KIF19: variants seen among roughly 807,000 people sequenced by gnomAD.
KIF19 encodes kinesin family member 19, also known as kinesin-like protein KIF19.
KIF19 carries 98 observed loss-of-function variants against 106.6 expected under a neutral mutation model. That is an observed-to-expected ratio of 0.92 (90% CI 0.78 to 1.09). The LOEUF is 1.09. Ranked by LOEUF, KIF19 falls within the 50% of genes least tolerant of loss-of-function variation. The pLI, the probability that KIF19 is intolerant of heterozygous loss-of-function variation, is 0.00. For missense variants in KIF19, 1,373 were observed against 1,414.3 expected (o/e 0.97, Z 0.47); for synonymous variants, 516 against 584.2 (o/e 0.88, Z 1.68).
In KIF19 at chr17:74,352,309, T is replaced by TC; in HGVS notation, c.1950dup (p.Met651HisfsTer29). ...GAGGGCAGCCTGGAGCAGGCCACCA[T>TC]CATGGACCAAGTGGCCTCCAGGGCC... On this transcript the variant is annotated frameshift_variant, in exon 14 of 20. Coordinates refer to ENST00000389916, the MANE Select transcript of KIF19 (RefSeq NM_153209.4). LOFTEE classifies it high-confidence loss of function. The TC allele has an allele frequency of 1.9e-6, 3 of 1,611,514 alleles. No homozygotes were observed. Among genetic ancestry groups the TC allele is most frequent in the Non-Finnish European group, 2.5e-6 (3 of 1,179,286 alleles).
chr17:74,348,649 G>T (rs925468996), intron 9 of KIF19: 8 of 165,090 alleles, frequency 4.8e-5, no homozygotes, highest in Non-Finnish European at 9.4e-5. Flanking sequence ...CTCATTGATG[G>T]TTCAGAATAT....
intron 1 of KIF19, 88 bp from the exon 2 acceptor site, chr17:74,328,337 T>C: frequency 8.0e-7 from 1 of 1,246,800 alleles, no homozygotes; most frequent in Non-Finnish European, 1.1e-6. Flanking sequence ...GGCTGAATGC[T>C]AGAGAAGCCA....
Position 74,352,835 on chromosome 17 carries a change from C to T in KIF19, c.1995C>T (p.Pro665=), listed in dbSNP as rs1016773272. The stretch of plus-strand genomic sequence containing the variant: ...CTCCTCCCCAGGACAGCTCCTTGCC[C>T]AAAATTACCCCAGCAGGAACCTCAC... The part of the protein sequence containing the change: ...ASRALQDSSL[P]KITPAGTSLT... The change falls in exon 15 of 20, where the codon CCC becomes CCT. Residue 665 remains proline (P), a synonymous_variant. Transcript: ENST00000389916. The T allele has an allele frequency of 5.0e-6, 8 of 1,613,848 alleles. No individual in the cohort carries two copies. Among genetic ancestry groups the T allele is most frequent in the Admixed American group, 1.7e-5 (1 of 60,008 alleles).
chr17:74,349,370 G>A, intron 10 of KIF19, 21 bp downstream of exon 10: 2 of 1,572,666 alleles, frequency 1.3e-6, no homozygotes, highest in Non-Finnish European at 1.7e-6. Context: ...GGGTCTGTGT[G>A]AGTGGCAGCC....
At chr17:74,353,641 A>G in intron 17 of KIF19, 60 bp downstream of exon 17, 1 of 1,385,764 alleles carries the variant, frequency 7.2e-7, no homozygotes, top group Non-Finnish European at 1.0e-6. Context: ...TGTTCAGATC[A>G]CCCAGCTCAA....
rs769760478 is a variant in KIF19 at position 74,354,988 on chromosome 17, C to T, written c.2866+47C>T. 2.8e-5 allele frequency: 44 copies of T among 1,564,212 alleles called. 1 individual carries two copies. The South Asian group carries it at 5.0e-4, about 18-fold the overall frequency. On this transcript the variant is annotated intron_variant, in intron 19 of 19. Coordinates refer to ENST00000389916, the MANE Select transcript of KIF19 (RefSeq NM_153209.4). The stretch of plus-strand genomic sequence containing the variant: ...ATGGGGAGGGGAGGCCTCCACCAGG[C>T]AGGGGAGCAGAGAAGACACATTGCA...
intron 9 of KIF19, 48 bp from the exon 10 acceptor site, chr17:74,349,136 G>A (rs755244980): frequency 6.2e-7 from 1 of 1,607,176 alleles, no homozygotes; most frequent in Admixed American, 1.7e-5. Flanking sequence ...CTCGGTGAGT[G>A]CACCTGGGGT....
At chr17:74,347,325 T>C (rs1249638756) in intron 8 of KIF19, among the ~76,000 whole-genome samples, 1 of 151,962 alleles carries the variant, frequency 6.6e-6, no homozygotes, top group East Asian at 1.9e-4. Context: ...TCACTTAAGG[T>C]CAGGAGTTCA....
rs1358590295 is a variant in KIF19 at position 74,346,577 on chromosome 17, A to G, written c.924+53A>G. The stretch of plus-strand genomic sequence containing the variant: ...TGGGCACCAAGGGTGAGGCTGCCAG[A>G]TTAAACAAATGAAAATACAGGGCAC... On this transcript the variant is annotated intron_variant, in intron 8 of 19. Coordinates refer to ENST00000389916, the MANE Select transcript of KIF19 (RefSeq NM_153209.4). The surrounding 1 kb of genome is among the most constrained non-coding windows in gnomAD (Gnocchi z 4.6). 6.6e-7 allele frequency: 1 copy of G among 1,509,818 alleles called. No homozygotes were observed. The highest frequency in any genetic ancestry group is 9.0e-7 in the Non-Finnish European group (1 of 1,116,382). 93.5% of individuals were successfully genotyped at this position (1,509,818 alleles called of 1,614,324 possible).
Position 74,353,264 on chromosome 17 carries a change from C to A in KIF19, c.2183C>A (p.Pro728Gln). 1 of 1,580,782 alleles carries A rather than the reference C, an allele frequency of 6.3e-7. No individual in the cohort carries two copies. The highest frequency in any genetic ancestry group is 2.3e-5 in the East Asian group (1 of 42,906). Residue 728 changes from proline (P) to glutamine (Q), a missense_variant, in exon 16 of 20, where the codon CCA (proline) becomes CAA (glutamine). By Grantham distance (76) the Pro-to-Gln change is moderately conservative. Around this residue, in one of 3 missense-constraint regions of KIF19, gnomAD observed 1,020 missense variants for 1,008.2 expected, o/e 1.01. Coordinates refer to ENST00000389916, the MANE Select transcript of KIF19 (RefSeq NM_153209.4). ...GCAAAAAGCTCCTCTGTGCCCACCC[C>A]ACCTCCCATCCAGCTCGGCAGCCTG... Reference protein sequence around the residue: ...WQAKSSSVPTPPPIQLGSLVT... With the variant: ...WQAKSSSVPTQPPIQLGSLVT...
At position 74,355,346 on chromosome 17, in the gene KIF19, C is replaced by T. The variant is rs541115857; in HGVS notation, c.*34C>T. On this transcript the variant is annotated 3_prime_UTR_variant, in exon 20 of 20. Transcript: ENST00000389916. ...GCCTGGAACTGGCTCTCTCACCTCC[C>T]AAGACTGAATGGGGTCTAGCAGGGC... The T allele has an allele frequency of 1.3e-6, 2 of 1,570,874 alleles. No homozygotes were observed. Among genetic ancestry groups the T allele is most frequent in the Admixed American group, 1.8e-5 (1 of 55,812 alleles).
chr17:74,336,393 T>C (rs1344016895), intron 2 of KIF19, among the ~76,000 whole-genome samples: 1 of 152,120 alleles, frequency 6.6e-6, no homozygotes, highest in Non-Finnish European at 1.5e-5. Context: ...TCTCCCTGTG[T>C]CTCTTCCTAG....
At chr17:74,343,936 AC>A (rs755269772) in intron 5 of KIF19, among the ~76,000 whole-genome samples, 1 of 151,974 alleles carries the variant, frequency 6.6e-6, no homozygotes, top group Non-Finnish European at 1.5e-5. Context: ...CACACTCAGG[AC>A]CCTGCCCGGT....
At position 74,349,357 on chromosome 17, in the gene KIF19, T is replaced by C; in HGVS notation, c.1213+8T>C. 1.3e-6 allele frequency: 2 copies of C among 1,583,822 alleles called. No homozygotes were observed. Among genetic ancestry groups the C allele is most frequent in the African/African-American group, 1.3e-5 (1 of 74,346 alleles). On this transcript the variant is annotated splice_region_variant and intron_variant, in intron 10 of 19. Coordinates refer to ENST00000389916, the MANE Select transcript of KIF19 (RefSeq NM_153209.4). ...ACATCCGCCACATCCAAGGTGCGCC[T>C]GTGGGTCTGTGTGAGTGGCAGCCCC...
chr17:74,342,498 C>T, intron 3 of KIF19, 132 bp from the exon 4 acceptor site: 1 of 682,084 alleles, frequency 1.5e-6, no homozygotes. Flanking sequence ...CCCCCACCCC[C>T]CACCCCCACT....
chr17:74,351,055 C>A, intron 12 of KIF19, 150 bp downstream of exon 12: 1 of 732,584 alleles, frequency 1.4e-6, no homozygotes, highest in Non-Finnish European at 2.4e-6. Context: ...AGCTCTTTAA[C>A]TTCTCTATGC....
chr17:74,333,510 G>A (rs2054146595), intron 2 of KIF19, among the ~76,000 whole-genome samples: 2 of 151,996 alleles, frequency 1.3e-5, no homozygotes, highest in South Asian at 4.2e-4. Flanking sequence ...TTACAGGTGT[G>A]TGCCACCATG....
rs762174134 is a variant in KIF19 at position 74,350,386 on chromosome 17, C to G, written c.1214-15C>G. 6.3e-6 allele frequency: 10 copies of G among 1,574,932 alleles called. 1 individual carries two copies. In the South Asian group the frequency reaches 1.0e-4, roughly 16 times the overall value. ...TGCCGCCTCCTCTACCTTGCCCACCCTCACCCATCGGCAGCTGAGGTCCAG... is the reference window on the plus strand; with the variant it reads ...TGCCGCCTCCTCTACCTTGCCCACCGTCACCCATCGGCAGCTGAGGTCCAG... On this transcript the variant is annotated splice_polypyrimidine_tract_variant and intron_variant, in intron 10 of 19. Transcript: ENST00000389916.
At chr17:74,350,357 A>T in intron 10 of KIF19, 44 bp from the exon 11 acceptor site, 1 of 1,526,698 alleles carries the variant, frequency 6.6e-7, no homozygotes, top group Non-Finnish European at 8.8e-7. Flanking sequence ...TTGCTAGCTG[A>T]ACTTGCCGCC....
Sources: allele counts gnomAD v4.1 joint callset (sites outside exome capture counted in the v4.1 genomes callset), GRCh38; gene constraint gnomAD v4.1.1; regional missense constraint gnomAD v4.1.1; non-coding constraint Gnocchi (gnomAD v3.1); transcripts MANE v1.5; gene names NCBI Gene and HGNC (gene_info 2026-07-23, HGNC 2026-07-21).